The following TNS1 variants were observed in gnomAD, a reference collection of about 807,000 sequenced individuals.
The protein encoded by TNS1 is tensin-1.
Under a neutral mutation model 168.6 loss-of-function variants are expected in TNS1, and 62 were observed. That is an observed-to-expected ratio of 0.37 (90% CI 0.30 to 0.45). TNS1 has a LOEUF of 0.45. Among genes scored for constraint, TNS1 ranks in the 20% least tolerant of loss-of-function variants. TNS1 has a pLI of 1.00. For synonymous variants in TNS1, 934 were observed against 933.2 expected (o/e 1.00, Z -0.02); for missense variants, 2,240 against 2,339.4 (o/e 0.96, Z 0.88).
chr2:217,986,379 C>T lies in TNS1; in HGVS notation c.148+4563G>A, dbSNP rs768822100. Among the ~76,000 whole-genome samples the T allele has an allele frequency of 5.3e-5, 8 of 152,252 alleles. No individual in the cohort carries two copies. Among genetic ancestry groups the T allele is most frequent in the Non-Finnish European group, 1.2e-4 (8 of 68,042 alleles). On this transcript the variant is annotated intron_variant, in intron 2 of 32. Transcript: ENST00000682258. This position sits in a 1 kb window ranked among gnomAD's most constrained non-coding sequence, Gnocchi z 4.7. ...TAAGGAAACTGCAGGTGACTGTCCCCCATTCCAGGCTCACCAGAGGCATTG... is the reference window on the plus strand; with the variant it reads ...TAAGGAAACTGCAGGTGACTGTCCCTCATTCCAGGCTCACCAGAGGCATTG...
intron 3 of TNS1, among the ~76,000 whole-genome samples, chr2:217,971,829 A>G (rs578237881): frequency 6.6e-6 from 1 of 152,348 alleles, no homozygotes; most frequent in South Asian, 2.1e-4. Flanking sequence ...CAAGACTTCA[A>G]ACCACTGCTA....
intron 3 of TNS1, among the ~76,000 whole-genome samples, chr2:217,963,303 C>T (rs994146703): frequency 3.9e-5 from 6 of 152,182 alleles, no homozygotes; most frequent in South Asian, 2.1e-4. Context: ...ACAGGTGCTC[C>T]GGCACGGGGT....
intron 1 of TNS1, among the ~76,000 whole-genome samples, chr2:218,022,475 G>A (rs1383936240): frequency 6.6e-6 from 1 of 152,104 alleles, no homozygotes; most frequent in Non-Finnish European, 1.5e-5. Flanking sequence ...CTGGGACGTG[G>A]ACACGCACAC....
chr2:217,900,145 A>G (rs2125752661), intron 7 of TNS1, among the ~76,000 whole-genome samples: 1 of 152,322 alleles, frequency 6.6e-6, no homozygotes, highest in South Asian at 2.1e-4. Flanking sequence ...TGTGACCTTT[A>G]CAAGTCACCT....
At chr2:217,945,960 C>G (rs936266258) in intron 3 of TNS1, among the ~76,000 whole-genome samples, 12 of 152,136 alleles carry the variant, frequency 7.9e-5, no homozygotes, top group Non-Finnish European at 5.9e-5. Flanking sequence ...AGCAGGTATC[C>G]GGAACAGCAG....
At chr2:217,913,934 G>A (rs1479547103) in intron 4 of TNS1, among the ~76,000 whole-genome samples, 1 of 152,010 alleles carries the variant, frequency 6.6e-6, no homozygotes, top group Non-Finnish European at 1.5e-5. Context: ...AAGATTGCCT[G>A]GTTCTCTCTT....
chr2:217,900,561 G>A, intron 6 of TNS1, 49 bp from the exon 7 acceptor site: 1 of 1,509,106 alleles, frequency 6.6e-7, no homozygotes, highest in Non-Finnish European at 8.9e-7. Context: ...GGGCAGGATG[G>A]CAGGAGGAGC....
chr2:217,862,059 A>G (rs1286889544), intron 18 of TNS1, among the ~76,000 whole-genome samples: 1 of 152,148 alleles, frequency 6.6e-6, no homozygotes, highest in Non-Finnish European at 1.5e-5. Flanking sequence ...CTATCCCAAC[A>G]CTGATTACTG....
intron 3 of TNS1, among the ~76,000 whole-genome samples, chr2:217,959,674 A>G (rs1157122987): frequency 1.3e-5 from 2 of 149,120 alleles, no homozygotes; most frequent in Non-Finnish European, 3.0e-5. Flanking sequence ...GATAACCACT[A>G]TTATTATTAT....
At chr2:217,822,051 G>C (rs1559170577) in intron 22 of TNS1, 113 bp from the exon 23 acceptor site, 4 of 1,171,586 alleles carry the variant, frequency 3.4e-6, no homozygotes, top group Non-Finnish European at 3.6e-6. Flanking sequence ...TGGGAACATA[G>C]GAATAGCCCC....
intron 4 of TNS1, among the ~76,000 whole-genome samples, chr2:217,912,913 G>T (rs553721874): frequency 6.6e-6 from 1 of 152,300 alleles, no homozygotes; most frequent in East Asian, 1.9e-4. Flanking sequence ...ATAAGCAAGG[G>T]CTCTAGAAGG....
chr2:217,885,133 G>A lies in TNS1; in HGVS notation c.1148C>T (p.Pro383Leu), dbSNP rs1574948049. 1 of 1,614,226 alleles carries A rather than the reference G, an allele frequency of 6.2e-7. No individual in the cohort carries two copies. Among genetic ancestry groups the A allele is most frequent in the Non-Finnish European group, 8.5e-7 (1 of 1,180,042 alleles). The change falls in exon 16 of 33, where the codon CCA (proline) becomes CTA (leucine). Residue 383 changes from proline (P) to leucine (L), a missense_variant. Around this residue, in one of 2 missense-constraint regions of TNS1, gnomAD observed 2,131 missense variants for 2,171.2 expected, o/e 0.98. Coordinates refer to ENST00000682258, the MANE Select transcript of TNS1 (RefSeq NM_001387777.1). The part of the protein sequence containing the change: ...LKCYHKKFRS[P>L]ARDVIFRVQF... Reference sequence around the variant, plus strand: ...CACACGGAAGATGACGTCTCGGGCTGGGCTTCGGAACTTCTTGTGGTAGCA... The same window carrying A: ...CACACGGAAGATGACGTCTCGGGCTAGGCTTCGGAACTTCTTGTGGTAGCA...
intron 7 of TNS1, among the ~76,000 whole-genome samples, chr2:217,898,698 A>C (rs1327835569): frequency 3.3e-5 from 5 of 152,368 alleles, no homozygotes; most frequent in African/African-American, 1.2e-4. Flanking sequence ...AAGAGGGCAC[A>C]GAGCCCTTGT....
chr2:217,869,369 G>C (rs531929829), intron 18 of TNS1, among the ~76,000 whole-genome samples: 3 of 152,346 alleles, frequency 2.0e-5, no homozygotes, highest in South Asian at 2.1e-4. Context: ...AGCGCCCAAG[G>C]CCTCAATAGA....
chr2:217,887,172 T>C (rs541718149), intron 12 of TNS1, among the ~76,000 whole-genome samples: 3 of 152,250 alleles, frequency 2.0e-5, no homozygotes, highest in Non-Finnish European at 2.9e-5. Flanking sequence ...CTTTAATGAA[T>C]GTAGTTCTTC....
chr2:217,906,279 A>AT, intron 6 of TNS1, 56 bp downstream of exon 6: 6 of 353,154 alleles, frequency 1.7e-5, no homozygotes, highest in South Asian at 2.6e-5. Flanking sequence ...ACCCCACCCC[A>AT]TTCCCCCTGG....
At chr2:217,926,990 C>T (rs1956061495) in intron 3 of TNS1, among the ~76,000 whole-genome samples, 1 of 152,188 alleles carries the variant, frequency 6.6e-6, no homozygotes, top group Admixed American at 6.5e-5. Context: ...CCCAGGCAGG[C>T]TCCATGGAGC....
At chr2:217,996,978 C>T (rs1958482001) in intron 1 of TNS1, among the ~76,000 whole-genome samples, 1 of 152,024 alleles carries the variant, frequency 6.6e-6, no homozygotes, top group Non-Finnish European at 1.5e-5. Flanking sequence ...GCCCTGTGTC[C>T]ACCCAGGCTG....
At chr2:217,818,809 G>A in intron 23 of TNS1, 50 bp from the exon 24 acceptor site, 1 of 1,488,252 alleles carries the variant, frequency 6.7e-7, no homozygotes, top group Non-Finnish European at 9.1e-7. Flanking sequence ...CTGAATGAAG[G>A]GTGGATTTAC....
Sources: gnomAD v4.1 joint callset for allele counts (sites outside exome capture counted in the v4.1 genomes callset) on GRCh38, gnomAD v4.1.1 for gene constraint, gnomAD v4.1.1 regional missense constraint, Gnocchi (gnomAD v3.1) non-coding constraint, MANE v1.5 for transcripts, NCBI Gene and HGNC (gene_info 2026-07-23, HGNC 2026-07-21) for gene names.